SPMIP2: variants seen among roughly 807,000 people sequenced by gnomAD.
The protein encoded by SPMIP2 is protein SPMIP2.
At chr4:159,011,414 C>T in the SPMIP2 span, among the ~76,000 whole-genome samples, 35,736 of 152,022 alleles carry the variant, frequency 0.24, 4,410 homozygotes, top group Non-Finnish European at 0.27. Context: ...ACTATTACAA[C>T]ATTTAGGGTT....
the SPMIP2 span, among the ~76,000 whole-genome samples, chr4:158,894,727 G>A: frequency 8.3e-4 from 126 of 152,278 alleles, 2 homozygotes; most frequent in East Asian, 0.017. Context: ...ACTTGGAGGA[G>A]CATTTCCATG....
the SPMIP2 span, chr4:158,904,713 C>T: frequency 2.8e-5 from 17 of 604,696 alleles, no homozygotes; most frequent in Non-Finnish European, 4.1e-5. Flanking sequence ...TCATTGAAGA[C>T]TTAGGTTTAC....
At chr4:159,033,217 A>G in the SPMIP2 span, among the ~76,000 whole-genome samples, 4 of 151,864 alleles carry the variant, frequency 2.6e-5, no homozygotes, top group Non-Finnish European at 4.4e-5. Context: ...ATACTGTATA[A>G]CTCCAGCTCT....
the SPMIP2 span, among the ~76,000 whole-genome samples, chr4:159,081,761 C>T: frequency 1.3e-5 from 2 of 152,026 alleles, no homozygotes; most frequent in African/African-American, 4.8e-5. Context: ...TATTCTATTG[C>T]TTTAACATAA....
chr4:159,016,744 C>A, the SPMIP2 span, among the ~76,000 whole-genome samples: 1 of 152,254 alleles, frequency 6.6e-6, no homozygotes, highest in Non-Finnish European at 1.5e-5. Flanking sequence ...AGCAGCCTGC[C>A]CCCCACAGGG....
chr4:158,904,653 AAC>A, the SPMIP2 span: 3 of 947,300 alleles, frequency 3.2e-6, no homozygotes, highest in Non-Finnish European at 4.9e-6. Flanking sequence ...AGCAAACAGA[AAC>A]AGTCATTCCA....
the SPMIP2 span, among the ~76,000 whole-genome samples, chr4:159,047,647 A>G: frequency 1.3e-5 from 2 of 152,226 alleles, no homozygotes; most frequent in African/African-American, 4.8e-5. Flanking sequence ...ATGCTCTTAG[A>G]TAACTGAAAA....
the SPMIP2 span, among the ~76,000 whole-genome samples, chr4:158,989,738 G>A: frequency 1.3e-5 from 2 of 152,148 alleles, no homozygotes; most frequent in African/African-American, 4.8e-5. Flanking sequence ...ACTCAAGATG[G>A]ACTAAAGACT....
chr4:158,945,310 T>C, the SPMIP2 span, among the ~76,000 whole-genome samples: 3 of 152,140 alleles, frequency 2.0e-5, no homozygotes, highest in African/African-American at 7.2e-5. Context: ...CTGGCGTGGC[T>C]GCATCACTGC....
chr4:159,044,384 AAAAAAG>A, the SPMIP2 span, among the ~76,000 whole-genome samples: 1 of 143,182 alleles, frequency 7.0e-6, no homozygotes. Flanking sequence ...AAAAAAAAAA[AAAAAAG>A]AGAGAAAGAA....
chr4:158,945,061 C>T, the SPMIP2 span, among the ~76,000 whole-genome samples: 1 of 149,406 alleles, frequency 6.7e-6, no homozygotes, highest in Non-Finnish European at 1.5e-5. Flanking sequence ...CTGTCTTCAT[C>T]GGTCTCTGTA....
the SPMIP2 span, among the ~76,000 whole-genome samples, chr4:159,004,418 G>A: frequency 6.7e-6 from 1 of 149,346 alleles, no homozygotes; most frequent in South Asian, 2.1e-4. Context: ...AGCCTCCTGA[G>A]TAGCTGTGAT....
the SPMIP2 span, among the ~76,000 whole-genome samples, chr4:158,986,336 A>C: frequency 1.1e-4 from 16 of 152,266 alleles, no homozygotes; most frequent in Admixed American, 1.0e-3. Flanking sequence ...AGTCAATCCT[A>C]AGACAAAAGA....
the SPMIP2 span, among the ~76,000 whole-genome samples, chr4:159,005,260 A>G: frequency 6.6e-6 from 1 of 150,600 alleles, no homozygotes; most frequent in Non-Finnish European, 1.5e-5. Flanking sequence ...CCTGGCCAAC[A>G]TGGTGAAACC....
At chr4:158,910,461 C>T in the SPMIP2 span, among the ~76,000 whole-genome samples, 8 of 152,024 alleles carry the variant, frequency 5.3e-5, no homozygotes, top group East Asian at 9.7e-4. Flanking sequence ...TTAGTAGAGA[C>T]GGGGTTTCCC....
chr4:158,953,369 G>A, the SPMIP2 span, among the ~76,000 whole-genome samples: 4 of 152,224 alleles, frequency 2.6e-5, no homozygotes, highest in Admixed American at 6.5e-5. Context: ...CAGCTTCCAC[G>A]TGGTGTTGAG....
chr4:159,049,762 A>G, the SPMIP2 span, among the ~76,000 whole-genome samples: 152 of 150,252 alleles, frequency 1.0e-3, no homozygotes, highest in African/African-American at 3.2e-3. Flanking sequence ...ATTTTTTTAT[A>G]CAAGGTTAGA....
At chr4:158,989,516 C>G in the SPMIP2 span, among the ~76,000 whole-genome samples, 7 of 152,138 alleles carry the variant, frequency 4.6e-5, no homozygotes, top group Admixed American at 2.6e-4. Context: ...CAGCATGGTA[C>G]TGGAACCAAA....
chr4:159,035,002 C>T, the SPMIP2 span: 1 of 1,563,448 alleles, frequency 6.4e-7, no homozygotes, highest in Non-Finnish European at 8.8e-7. Flanking sequence ...ATTTAGATCT[C>T]CTTGTGAAAG....
Sources: gnomAD v4.1 joint callset for allele counts (sites outside exome capture counted in the v4.1 genomes callset) on GRCh38, gnomAD v4.1.1 for gene constraint, MANE v1.5 for transcripts, NCBI Gene and HGNC (gene_info 2026-07-23, HGNC 2026-07-21) for gene names.